The following CXCR6 variants were observed in gnomAD, a reference collection of about 807,000 sequenced individuals.
The protein encoded by CXCR6 is C-X-C motif chemokine receptor 6, also known as C-X-C chemokine receptor type 6.
CXCR6 carries 3 observed loss-of-function variants against 1.6 expected under a neutral mutation model. The ratio of observed to expected loss-of-function variants is 1.83; its 90% CI spans 0.83 to 4.72. The LOEUF (loss-of-function observed/expected upper bound fraction) is 4.72, where lower values mean the gene tolerates loss of function less well. Among genes scored for constraint, CXCR6 ranks in the 30% most tolerant of loss-of-function variants. The probability of loss-of-function intolerance (pLI) is 0.02; values close to 1 mark genes in which losing one functional copy is unlikely to be tolerated. For missense variants in CXCR6, 326 were observed against 414.8 expected (o/e 0.79, Z 1.86); for synonymous variants, 171 against 159.2 (o/e 1.07, Z -0.56).
chr3:45,944,717 T>C (rs1221713969), intron 1 of CXCR6, among the ~76,000 whole-genome samples: 3 of 152,106 alleles, frequency 2.0e-5, no homozygotes, highest in African/African-American at 7.2e-5. Flanking sequence ...TTTGCACAGG[T>C]CCTTTGAGGA....
At chr3:45,940,983 A>G (rs1367258340), upstream of CXCR6, 1 of 152,088 alleles carries the variant, frequency 6.6e-6, no homozygotes, top group Non-Finnish European at 1.5e-5. Context: ...TTATAGAACA[A>G]TTGTTCCTCC....
Position 45,946,936 on chromosome 3 carries a change from G to A in CXCR6, c.455G>A (p.Ser152Asn), listed in dbSNP as rs1385942648. ...AKRMTWGKVT[S>N]LLIWVISLLV... ...AGGATGACCTGGGGCAAGGTCACCA[G>A]CTTGCTCATCTGGGTGATATCCCTG... The change falls in exon 2 of 2, where the codon AGC becomes AAC. Residue 152 changes from serine (S) to asparagine (N), a missense_variant. Coordinates refer to ENST00000304552, the MANE Select transcript of CXCR6 (RefSeq NM_006564.2). 1 of 1,614,216 alleles carries A rather than the reference G, an allele frequency of 6.2e-7. No individual in the cohort carries two copies.
intron 1 of CXCR6, among the ~76,000 whole-genome samples, chr3:45,943,760 C>T (rs915294757): frequency 6.6e-6 from 1 of 152,140 alleles, no homozygotes; most frequent in Admixed American, 6.5e-5. Context: ...TCCAGGCACA[C>T]AGTTAGTGCT....
rs1353612169 is a variant in CXCR6, at chr3:45,947,371, A to G, written c.890A>G (p.Lys297Arg). ...GCCTTTGTCAGCCTGAAGTTTCGAAAGAACTTCTGGAAACTTGTGAAGGAC... is the reference window on the plus strand; with the variant it reads ...GCCTTTGTCAGCCTGAAGTTTCGAAGGAACTTCTGGAAACTTGTGAAGGAC... ...LYAFVSLKFR[K>R]NFWKLVKDIG... The change falls in exon 2 of 2, where the codon AAG (lysine) becomes AGG (arginine). Residue 297 changes from lysine (K) to arginine (R), a missense_variant. Coordinates refer to ENST00000304552, the MANE Select transcript of CXCR6 (RefSeq NM_006564.2). The G allele has an allele frequency of 1.2e-6, 2 of 1,614,124 alleles. No homozygotes were observed. The highest frequency in any genetic ancestry group is 1.3e-5 in the African/African-American group (1 of 74,934).
At chr3:45,944,198 G>A (rs1241023112) in intron 1 of CXCR6, among the ~76,000 whole-genome samples, 2 of 112,924 alleles carry the variant, frequency 1.8e-5, no homozygotes, top group South Asian at 2.2e-4. Flanking sequence ...GTGTGTGTCT[G>A]TGTGTGTGTG....
upstream of CXCR6, among the ~76,000 whole-genome samples, chr3:45,941,594 T>C (rs1042063995): frequency 1.3e-5 from 2 of 152,298 alleles, no homozygotes; most frequent in Middle Eastern, 3.4e-3. Flanking sequence ...CTCCTCAAAT[T>C]TAGGTGAAAG....
Position 45,946,956 on chromosome 3 carries a change from TC to T in CXCR6, c.478del (p.Leu160CysfsTer37), listed in dbSNP as rs1389355895. Reference sequence around the variant, plus strand: ...CACCAGCTTGCTCATCTGGGTGATATCCCTGCTGGTTTCCTTGCCCCAAATT... The same window carrying T: ...CACCAGCTTGCTCATCTGGGTGATATCCTGCTGGTTTCCTTGCCCCAAATT... ...KVTSLLIWVI[S>X]LLVSLPQIIY... On this transcript the variant is annotated frameshift_variant, in exon 2 of 2. Transcript: ENST00000304552. LOFTEE classifies it low-confidence loss of function (END_TRUNC). 4 of 1,614,110 alleles carry T rather than the reference TC, an allele frequency of 2.5e-6. No homozygotes were observed. The African/African-American group carries it at 5.3e-5, about 22-fold the overall frequency.
At chr3:45,945,861 AG>A (rs1461720165) in intron 1 of CXCR6, 1 of 152,282 alleles carries the variant, frequency 6.6e-6, no homozygotes, top group Non-Finnish European at 1.5e-5. Flanking sequence ...TATGCAATTG[AG>A]GGGAAGTAAA....
intron 1 of CXCR6, chr3:45,946,165 T>A (rs1575346033): frequency 1.1e-5 from 3 of 274,988 alleles, no homozygotes; most frequent in Non-Finnish European, 1.4e-5. Context: ...ACTTTTGGTT[T>A]CAAAATAATT....
rs754361390 is a variant in CXCR6, at chr3:45,946,838, C to T, written c.357C>T (p.Ile119=). ...YTINFYTSML[I]LTCITVDRFI... The stretch of plus-strand genomic sequence containing the variant: ...TTAACTTCTACACGTCCATGCTCAT[C>T]CTCACCTGCATCACTGTGGATCGTT... The change falls in exon 2 of 2, where the codon ATC becomes ATT. Residue 119 remains isoleucine (I), a synonymous_variant. Coordinates refer to ENST00000304552, the MANE Select transcript of CXCR6 (RefSeq NM_006564.2). The T allele has an allele frequency of 6.2e-7, 1 of 1,614,232 alleles. No individual in the cohort carries two copies. Among genetic ancestry groups the T allele is most frequent in the Non-Finnish European group, 8.5e-7 (1 of 1,180,038 alleles).
chr3:45,946,679 G>C lies in CXCR6; in HGVS notation c.198G>C (p.Thr66=). 6.2e-7 allele frequency: 1 copy of C among 1,614,222 alleles called. No homozygotes were observed. The highest frequency in any genetic ancestry group is 1.7e-5 in the Admixed American group (1 of 60,024). The change falls in exon 2 of 2, where the codon ACG becomes ACC. Residue 66 remains threonine (T), a synonymous_variant. Coordinates refer to ENST00000304552, the MANE Select transcript of CXCR6 (RefSeq NM_006564.2). ...SIFYHKLQSL[T]DVFLVNLPLA... ...TCTACCATAAGTTGCAGAGCCTGAC[G>C]GATGTGTTCCTGGTGAACCTACCCC...
chr3:45,947,207 G>C lies in CXCR6; in HGVS notation c.726G>C (p.Leu242=), dbSNP rs558099799. 6.2e-7 allele frequency: 1 copy of C among 1,614,032 alleles called. No homozygotes were observed. The highest frequency in any genetic ancestry group is 1.3e-5 in the African/African-American group (1 of 74,922). Residue 242 remains leucine, a synonymous_variant, in exon 2 of 2, where the codon CTG becomes CTC. Transcript: ENST00000304552. Reference sequence around the variant, plus strand: ...TCCTGGTGATGGCTGTGTTCCTGCTGACCCAGATGCCCTTCAACCTCATGA... The same window carrying C: ...TCCTGGTGATGGCTGTGTTCCTGCTCACCCAGATGCCCTTCAACCTCATGA... ...IIFLVMAVFL[L]TQMPFNLMKF...
intron 1 of CXCR6, among the ~76,000 whole-genome samples, chr3:45,943,758 C>G (rs577192784): frequency 3.3e-5 from 5 of 152,252 alleles, no homozygotes; most frequent in Non-Finnish European, 5.9e-5. Context: ...TTTCCAGGCA[C>G]ACAGTTAGTG....
Position 45,946,712 on chromosome 3 carries a change from C to CCT in CXCR6, c.232_233dup (p.Val79TrpfsTer53). ...TCCTGGTGAACCTACCCCTGGCTGA[C>CCT]CTGGTGTTTGTCTGCACTCTGCCCT... On this transcript the variant is annotated frameshift_variant, in exon 2 of 2. Transcript: ENST00000304552. LOFTEE classifies it low-confidence loss of function (END_TRUNC). 6.2e-7 allele frequency: 1 copy of CCT among 1,614,202 alleles called. No homozygotes were observed. Among genetic ancestry groups the CCT allele is most frequent in the Non-Finnish European group, 8.5e-7 (1 of 1,180,040 alleles).
In CXCR6 at chr3:45,947,313, T is replaced by C; in HGVS notation, c.832T>C (p.Tyr278His). The change falls in exon 2 of 2, where the codon TAC (tyrosine) becomes CAC (histidine). Residue 278 changes from tyrosine to histidine, a missense_variant. By Grantham distance (83) the Tyr-to-His change is moderately conservative. Coordinates refer to ENST00000304552, the MANE Select transcript of CXCR6 (RefSeq NM_006564.2). ...CATCATGGTGACAGAGGCCATCGCA[T>C]ACCTGAGGGCCTGCCTTAACCCTGT... ...YTIMVTEAIAYLRACLNPVLY... is the reference protein window; with the variant it reads ...YTIMVTEAIAHLRACLNPVLY... 1 of 1,614,214 alleles carries C rather than the reference T, an allele frequency of 6.2e-7. No homozygotes were observed. The highest frequency in any genetic ancestry group is 8.5e-7 in the Non-Finnish European group (1 of 1,180,036).
At chr3:45,946,110 G>A (rs1381691766) in intron 1 of CXCR6, 2 of 210,770 alleles carry the variant, frequency 9.5e-6, no homozygotes, top group African/African-American at 4.6e-5. Flanking sequence ...TCCATCATCA[G>A]TGTTGCTCTT....
rs200297727 is a variant in CXCR6, at chr3:45,946,993, A to G, written c.512A>G (p.Asn171Ser). 3 of 1,614,238 alleles carry G rather than the reference A, an allele frequency of 1.9e-6. No homozygotes were observed. Among genetic ancestry groups the G allele is most frequent in the East Asian group, 4.5e-5 (2 of 44,888 alleles). ...LVSLPQIIYG[N>S]VFNLDKLICG... Reference sequence around the variant, plus strand: ...TCCTTGCCCCAAATTATCTATGGCAATGTCTTTAATCTCGACAAGCTCATA... The same window carrying G: ...TCCTTGCCCCAAATTATCTATGGCAGTGTCTTTAATCTCGACAAGCTCATA... Residue 171 changes from asparagine (N) to serine (S), a missense_variant, in exon 2 of 2, where the codon AAT (asparagine) becomes AGT (serine). By Grantham distance (46) the Asn-to-Ser change is conservative. Coordinates refer to ENST00000304552, the MANE Select transcript of CXCR6 (RefSeq NM_006564.2).
chr3:45,946,044 G>A (rs1359110891), intron 1 of CXCR6: 1 of 162,482 alleles, frequency 6.2e-6, no homozygotes, highest in Non-Finnish European at 1.4e-5. Context: ...GAGGCAGGGG[G>A]AGATGAAAAC....
upstream of CXCR6, among the ~76,000 whole-genome samples, chr3:45,941,810 T>C (rs1009442668): frequency 6.6e-6 from 1 of 152,224 alleles, no homozygotes. Flanking sequence ...ATTCTAACAC[T>C]GCCCTATGGA....
Sources: allele counts gnomAD v4.1 joint callset (sites outside exome capture counted in the v4.1 genomes callset), GRCh38; gene constraint gnomAD v4.1.1; transcripts MANE v1.5; gene names NCBI Gene and HGNC (gene_info 2026-07-23, HGNC 2026-07-21).